IFNGR1: variants seen among roughly 807,000 people sequenced by gnomAD.
The protein encoded by IFNGR1 is interferon gamma receptor 1, also known as AVP, type 2.
IFNGR1 carries 23 observed loss-of-function variants against 35.4 expected under a neutral mutation model. The ratio of observed to expected loss-of-function variants is 0.65; its 90% CI spans 0.47 to 0.92. The LOEUF (loss-of-function observed/expected upper bound fraction) is 0.92, where lower values mean the gene tolerates loss of function less well. Ranked by LOEUF, IFNGR1 falls within the 40% of genes least tolerant of loss-of-function variation. The pLI, the probability that IFNGR1 is intolerant of heterozygous loss-of-function variation, is 0.00. For synonymous variants in IFNGR1, 199 were observed against 209.5 expected (o/e 0.95, Z 0.43); for missense variants, 533 against 583.4 (o/e 0.91, Z 0.89).
intron 1 of IFNGR1, among the ~76,000 whole-genome samples, chr6:137,208,289 GA>G (rs1444147618): frequency 6.6e-6 from 1 of 152,162 alleles, no homozygotes; most frequent in Non-Finnish European, 1.5e-5. Flanking sequence ...AGACAGAAAA[GA>G]AAAACCCATT....
rs995413251 is a variant in IFNGR1 at position 137,219,335 on chromosome 6, C to T, written c.-8G>A. The stretch of plus-strand genomic sequence containing the variant: ...GAGAAAGAGGAGAGCCATGCTGCTA[C>T]CGACGGTCGCTGGCTCCAACCCCGA... On this transcript the variant is annotated 5_prime_UTR_variant, in exon 1 of 7. Transcript: ENST00000367739. 5.0e-6 allele frequency: 8 copies of T among 1,600,098 alleles called. No individual in the cohort carries two copies. In the Admixed American group the frequency reaches 1.4e-4, roughly 28 times the overall value.
intron 1 of IFNGR1, among the ~76,000 whole-genome samples, chr6:137,216,608 G>C (rs1779702228): frequency 6.6e-6 from 1 of 152,148 alleles, no homozygotes; most frequent in South Asian, 2.1e-4. Flanking sequence ...GTCAAGCCCA[G>C]CAACAGTAAG....
intron 4 of IFNGR1, 82 bp downstream of exon 4, chr6:137,204,250 C>A: frequency 6.3e-6 from 7 of 1,116,502 alleles, no homozygotes; most frequent in Non-Finnish European, 9.6e-6. Context: ...TTATAAGCAT[C>A]CTATTTTCAT....
At chr6:137,218,085 A>T (rs1395330377) in intron 1 of IFNGR1, among the ~76,000 whole-genome samples, 1 of 152,242 alleles carries the variant, frequency 6.6e-6, no homozygotes, top group Non-Finnish European at 1.5e-5. Context: ...AGAGCAGTTA[A>T]GAACTTGGAC....
In IFNGR1 at chr6:137,198,224, G is replaced by A. The variant is rs1160446665; in HGVS notation, c.1277C>T (p.Ser426Phe). ...ATTATTTGGGGGAAATTCTGAGTCA[G>A]ATAAGGAGCTATGTGATTCCAGACA... ...SSCLESHSSL[S>F]DSEFPPNNKG... Residue 426 changes from serine (S) to phenylalanine (F), a missense_variant, in exon 7 of 7, where the codon TCT (serine) becomes TTT (phenylalanine). Transcript: ENST00000367739. 2 of 1,614,022 alleles carry A rather than the reference G, an allele frequency of 1.2e-6. No homozygotes were observed. Among genetic ancestry groups the A allele is most frequent in the Non-Finnish European group, 1.7e-6 (2 of 1,180,018 alleles).
chr6:137,215,331 G>C (rs1364776775), intron 1 of IFNGR1: 5 of 1,546,126 alleles, frequency 3.2e-6, no homozygotes, highest in Non-Finnish European at 4.4e-6. Flanking sequence ...TCTGCTTCAG[G>C]TAATGTTTCC....
intron 1 of IFNGR1, among the ~76,000 whole-genome samples, chr6:137,208,741 A>G (rs1779508221): frequency 6.6e-6 from 1 of 152,250 alleles, no homozygotes; most frequent in Non-Finnish European, 1.5e-5. Flanking sequence ...CAGGGCCCTC[A>G]TGGAGAACCT....
chr6:137,203,071 C>T (rs1057279411), intron 5 of IFNGR1, among the ~76,000 whole-genome samples: 3 of 152,218 alleles, frequency 2.0e-5, no homozygotes, highest in African/African-American at 4.8e-5. Context: ...AATCTCGAGT[C>T]TTTGTCCAGT....
intron 1 of IFNGR1, among the ~76,000 whole-genome samples, chr6:137,214,855 TG>T (rs1489786216): frequency 6.6e-6 from 1 of 152,228 alleles, no homozygotes; most frequent in African/African-American, 2.4e-5. Flanking sequence ...TTTTGTCTGT[TG>T]GAAGAGATGG....
At chr6:137,204,616 T>TCTA in intron 3 of IFNGR1, 112 bp from the exon 4 acceptor site, 1 of 916,798 alleles carries the variant, frequency 1.1e-6, no homozygotes, top group African/African-American at 1.6e-5. Flanking sequence ...TTCTGGTTGT[T>TCTA]CTAAAGCAGG....
chr6:137,199,535 A>AATATATTATATATTATATATT (rs1779217367), intron 6 of IFNGR1, among the ~76,000 whole-genome samples: 1 of 82,178 alleles, frequency 1.2e-5, no homozygotes, highest in Non-Finnish European at 2.2e-5. Context: ...TATAATATAT[A>AATATATTATATATTATATATT]ATATATATTA....
Position 137,198,616 on chromosome 6 carries a change from A to G in IFNGR1, c.885T>C (p.Thr295=), listed in dbSNP as rs1180951009. 3 of 1,612,690 alleles carry G rather than the reference A, an allele frequency of 1.9e-6. No homozygotes were observed. The highest frequency in any genetic ancestry group is 2.5e-6 in the Non-Finnish European group (3 of 1,179,894). Reference sequence around the variant, plus strand: ...ATTTTGATTCAGGTTTTGTCTCTAAAGTAGCACTTCTTACCACAGAGATCT... The same window carrying G: ...ATTTTGATTCAGGTTTTGTCTCTAAGGTAGCACTTCTTACCACAGAGATCT... ...KSLISVVRSA[T]LETKPESKYV... The change falls in exon 7 of 7, where the codon ACT becomes ACC. Residue 295 remains threonine, a synonymous_variant. Transcript: ENST00000367739.
At position 137,200,944 on chromosome 6, in the gene IFNGR1, G is replaced by T; in HGVS notation, c.798C>A (p.Ile266=). Residue 266 remains isoleucine (I), a synonymous_variant, in exon 6 of 7, where the codon ATC becomes ATA. Transcript: ENST00000367739. ...LLFLVLSLVF[I]CFYIKKINPL... is the part of the protein sequence containing the mutation. ...GATTAATTTTCTTAATATAAAAACA[G>T]ATGAATACCAGGCTAAGCACTAGAA... The T allele has an allele frequency of 6.2e-7, 1 of 1,610,854 alleles. No individual in the cohort carries two copies. The highest frequency in any genetic ancestry group is 8.5e-7 in the Non-Finnish European group (1 of 1,177,268).
intron 4 of IFNGR1, among the ~76,000 whole-genome samples, chr6:137,204,096 G>C (rs1422005044): frequency 1.3e-5 from 2 of 152,166 alleles, no homozygotes; most frequent in African/African-American, 4.8e-5. Context: ...TCCTAGATTA[G>C]AGCCATTCTG....
intron 1 of IFNGR1, among the ~76,000 whole-genome samples, chr6:137,210,847 T>G (rs1051087268): frequency 6.6e-6 from 1 of 152,148 alleles, no homozygotes; most frequent in African/African-American, 2.4e-5. Context: ...CAAACAAAAA[T>G]TCCAATATTC....
intron 1 of IFNGR1, among the ~76,000 whole-genome samples, chr6:137,212,747 A>G (rs1428146300): frequency 1.3e-5 from 2 of 152,258 alleles, no homozygotes; most frequent in Admixed American, 1.3e-4. Context: ...AGGCTTGTGC[A>G]GCATTAGATT....
chr6:137,214,286 T>C (rs1779640282), intron 1 of IFNGR1, among the ~76,000 whole-genome samples: 1 of 152,154 alleles, frequency 6.6e-6, no homozygotes, highest in African/African-American at 2.4e-5. Context: ...TCAAGGCCTT[T>C]GTATTTTTGT....
chr6:137,204,026 G>A lies in IFNGR1; in HGVS notation c.546+306C>T, dbSNP rs182892719. Among the ~76,000 whole-genome samples the A allele has an allele frequency of 2.2e-4, 33 of 152,218 alleles. No individual in the cohort carries two copies. In the East Asian group the frequency reaches 6.0e-3, roughly 28 times the overall value. The stretch of plus-strand genomic sequence containing the variant: ...AGTATTAATATTACTTTACGTCACC[G>A]CCAATGAGGAAGAAAATCCTCATTT... On this transcript the variant is annotated intron_variant, in intron 4 of 6. Transcript: ENST00000367739.
chr6:137,219,154 G>C lies in IFNGR1; in HGVS notation c.85+89C>G, dbSNP rs1779784105. The C allele has an allele frequency of 5.9e-6, 9 of 1,515,740 alleles. No individual in the cohort carries two copies. The South Asian group carries it at 1.1e-4, about 18-fold the overall frequency. 93.9% of individuals were successfully genotyped at this position (1,515,740 alleles called of 1,614,324 possible). On this transcript the variant is annotated intron_variant, in intron 1 of 6. Coordinates refer to ENST00000367739, the MANE Select transcript of IFNGR1 (RefSeq NM_000416.3). Reference sequence around the variant, plus strand: ...GGGGTCCCGGGCTAGGGCGACCTCGGAGAAGCGGGGCGGGGCTTCCCGGCT... The same window carrying C: ...GGGGTCCCGGGCTAGGGCGACCTCGCAGAAGCGGGGCGGGGCTTCCCGGCT...
Sources: allele counts gnomAD v4.1 joint callset (sites outside exome capture counted in the v4.1 genomes callset), GRCh38; gene constraint gnomAD v4.1.1; transcripts MANE v1.5; gene names NCBI Gene and HGNC (gene_info 2026-07-23, HGNC 2026-07-21).